Variants in FAT3 observed in about 807,000 individuals in gnomAD.
FAT3 encodes FAT atypical cadherin 3, also known as protocadherin Fat 3.
In FAT3, 95 loss-of-function variants were observed where a neutral mutation model predicts 310.2. That is an observed-to-expected ratio of 0.31 (90% CI 0.26 to 0.36). FAT3 has a LOEUF of 0.36. Ranked by LOEUF, FAT3 falls within the 10% of genes least tolerant of loss-of-function variation. The pLI, the probability that FAT3 is intolerant of heterozygous loss-of-function variation, is 1.00. For missense variants in FAT3, 5,408 were observed against 5,715.6 expected, an observed-to-expected ratio of 0.95 and a Z score of 1.74; for synonymous variants, 2,314 against 2,192.9, an observed-to-expected ratio of 1.06 and a Z score of -1.54.
At chr11:92,457,230 G>A (rs1306579834) in intron 2 of FAT3, among the ~76,000 whole-genome samples, 7 of 152,104 alleles carry the variant, frequency 4.6e-5, no homozygotes, top group African/African-American at 1.7e-4. Context: ...GTCAGAGAAG[G>A]GCCAACAGCT....
At chr11:92,569,387 A>AT (rs1312140454) in intron 3 of FAT3, among the ~76,000 whole-genome samples, 2 of 152,224 alleles carry the variant, frequency 1.3e-5, no homozygotes, top group African/African-American at 4.8e-5. Context: ...GCAATCACAC[A>AT]TAAGTATGCC....
chr11:92,523,015 TTTGCAAACCGA>T (rs1383276005), intron 2 of FAT3, among the ~76,000 whole-genome samples: 1 of 152,120 alleles, frequency 6.6e-6, no homozygotes, highest in Non-Finnish European at 1.5e-5. Flanking sequence ...CTCTTCCCAG[TTTGCAAACCGA>T]TATTGGCTGC....
chr11:92,295,148 G>A (rs948606460), intron 1 of FAT3, among the ~76,000 whole-genome samples: 14 of 152,102 alleles, frequency 9.2e-5, no homozygotes, highest in Non-Finnish European at 1.6e-4. Flanking sequence ...CATCTACTGA[G>A]CATTTACTAC....
chr11:92,889,450 C>T (rs1028710861), intron 26 of FAT3, among the ~76,000 whole-genome samples: 6 of 150,662 alleles, frequency 4.0e-5, no homozygotes, highest in Non-Finnish European at 5.9e-5. Flanking sequence ...ATATAAGGTA[C>T]CCTCTTTATA....
chr11:92,816,294 C>G (rs75794479), intron 13 of FAT3, among the ~76,000 whole-genome samples: 1 of 152,170 alleles, frequency 6.6e-6, no homozygotes, highest in Non-Finnish European at 1.5e-5. Context: ...CAGGTCAGTG[C>G]GAGTCTATCT....
chr11:92,612,682 T>C (rs1023377069), intron 3 of FAT3, among the ~76,000 whole-genome samples: 10 of 152,220 alleles, frequency 6.6e-5, no homozygotes, highest in African/African-American at 2.2e-4. Flanking sequence ...GTTTATACTG[T>C]ACTGCAACAT....
At chr11:92,882,533 G>A (rs1949690791) in intron 23 of FAT3, among the ~76,000 whole-genome samples, 1 of 148,554 alleles carries the variant, frequency 6.7e-6, no homozygotes, top group Non-Finnish European at 1.5e-5. Context: ...TTAAGGCAAG[G>A]TGATGACTTG....
chr11:92,260,231 G>A (rs16917247), intron 1 of FAT3, among the ~76,000 whole-genome samples: 2,214 of 152,122 alleles, frequency 0.015, 40 homozygotes, highest in African/African-American at 0.047. Flanking sequence ...GCAGCTTAAA[G>A]TGGTGTGTGT....
chr11:92,716,244 CT>C (rs549357346), intron 4 of FAT3, among the ~76,000 whole-genome samples: 367 of 152,246 alleles, frequency 2.4e-3, no homozygotes, highest in African/African-American at 8.5e-3. Flanking sequence ...AAGGATAGTT[CT>C]TCCTCATGGA....
At chr11:92,541,840 G>A (rs1035154388) in intron 3 of FAT3, among the ~76,000 whole-genome samples, 1 of 152,052 alleles carries the variant, frequency 6.6e-6, no homozygotes, top group African/African-American at 2.4e-5. Context: ...GGAGAAATAC[G>A]GGAGTTGGTC....
At chr11:92,850,551 T>C (rs1948799792) in intron 19 of FAT3, among the ~76,000 whole-genome samples, 1 of 152,220 alleles carries the variant, frequency 6.6e-6, no homozygotes, top group Non-Finnish European at 1.5e-5. Context: ...TTTTTAAAAC[T>C]TCTCACAGGC....
chr11:92,500,124 A>G (rs1952892056), intron 2 of FAT3, among the ~76,000 whole-genome samples: 1 of 152,076 alleles, frequency 6.6e-6, no homozygotes, highest in South Asian at 2.1e-4. Flanking sequence ...GAGATGCTTA[A>G]TGAATATTTG....
At chr11:92,530,270 T>G (rs1178344331) in intron 3 of FAT3, among the ~76,000 whole-genome samples, 1 of 152,114 alleles carries the variant, frequency 6.6e-6, no homozygotes, top group Non-Finnish European at 1.5e-5. Flanking sequence ...CAGAGCTTGA[T>G]TATTTGCATT....
Position 92,761,942 on chromosome 11 carries a change from C to T in FAT3, c.3756C>T (p.Pro1252=), listed in dbSNP as rs2136084219. ...VQVLDENDNK[P]QFPEKVYQIK... ...TTCTAGATGAAAATGACAACAAGCC[C>T]CAGTTCCCAGAGAAGGTCTACCAGA... The change falls in exon 5 of 28, where the codon CCC becomes CCT. Residue 1252 remains proline, a synonymous_variant. Coordinates refer to ENST00000525166, the MANE Select transcript of FAT3 (RefSeq NM_001367949.2). The T allele has an allele frequency of 6.2e-7, 1 of 1,613,840 alleles. No individual in the cohort carries two copies.
intron 4 of FAT3, among the ~76,000 whole-genome samples, chr11:92,758,627 G>T (rs1033027053): frequency 6.6e-6 from 1 of 152,164 alleles, no homozygotes. Flanking sequence ...AGAGTATTAC[G>T]CAAATCAGCG....
intron 3 of FAT3, among the ~76,000 whole-genome samples, chr11:92,550,394 T>C (rs1954769074): frequency 6.6e-6 from 1 of 152,208 alleles, no homozygotes; most frequent in African/African-American, 2.4e-5. Flanking sequence ...TAATTTATTT[T>C]GCAGAGGATA....
Position 92,798,893 on chromosome 11 carries a change from A to G in FAT3, c.5880A>G (p.Gly1960=), listed in dbSNP as rs1947250561. 1.2e-6 allele frequency: 2 copies of G among 1,613,866 alleles called. No individual in the cohort carries two copies. The highest frequency in any genetic ancestry group is 1.7e-5 in the Admixed American group (1 of 60,000). The change falls in exon 10 of 28, where the codon GGA becomes GGG. Residue 1960 remains glycine (G), a synonymous_variant. Coordinates refer to ENST00000525166, the MANE Select transcript of FAT3 (RefSeq NM_001367949.2). ...TGCTGATAGTTAAGGTGTCTGATGG[A>G]AAGTTCTACAGTACCTCCATGGTCA... ...HYMLIVKVSD[G]KFYSTSMVTI... is the part of the protein sequence containing the mutation.
chr11:92,431,814 T>C lies in FAT3; in HGVS notation c.3292+76410T>C, dbSNP rs540471229. Among the ~76,000 whole-genome samples the C allele has an allele frequency of 1.8e-3, 270 of 152,324 alleles. 2 individuals are homozygous for C. Among genetic ancestry groups the C allele is most frequent in the African/African-American group, 6.2e-3 (259 of 41,576 alleles). On this transcript the variant is annotated intron_variant, in intron 2 of 27. Transcript: ENST00000525166. ...GTCAAAGATCAGATGGTTGTAGATA[T>C]GCGGAATTATTTCTGAGGGCTCTAT...
intron 19 of FAT3, among the ~76,000 whole-genome samples, chr11:92,850,882 A>G (rs146748612): frequency 2.6e-5 from 4 of 152,308 alleles, no homozygotes; most frequent in African/African-American, 7.2e-5. Context: ...TCCTCCCTGC[A>G]TGTTCCAAAG....
Sources: gnomAD v4.1 joint callset for allele counts (sites outside exome capture counted in the v4.1 genomes callset) on GRCh38, gnomAD v4.1.1 for gene constraint, MANE v1.5 for transcripts, NCBI Gene and HGNC (gene_info 2026-07-23, HGNC 2026-07-21) for gene names.